MGAT4C: variants seen among roughly 807,000 people sequenced by gnomAD.
MGAT4C encodes the protein MGAT4 family member C.
A neutral mutation model predicts 40.1 loss-of-function variants in MGAT4C; 19 were observed. That is an observed-to-expected ratio of 0.47 (90% CI 0.33 to 0.70). The LOEUF (loss-of-function observed/expected upper bound fraction) is 0.70, where lower values mean the gene tolerates loss of function less well. Ranked by LOEUF, MGAT4C falls within the 30% of genes least tolerant of loss-of-function variation. The pLI is 0.02. For synonymous variants in MGAT4C, 181 were observed against 187.1 expected (o/e 0.97, Z 0.27); for missense variants, 491 against 563.2 (o/e 0.87, Z 1.30).
intron 3 of MGAT4C, among the ~76,000 whole-genome samples, chr12:86,402,089 G>A (rs1291225274): frequency 1.3e-5 from 2 of 151,764 alleles, no homozygotes; most frequent in Non-Finnish European, 2.9e-5. Flanking sequence ...CCCTTTAAGG[G>A]TATACTTTAA....
At chr12:86,451,459 C>T (rs1957424392) in intron 2 of MGAT4C, among the ~76,000 whole-genome samples, 1 of 152,074 alleles carries the variant, frequency 6.6e-6, no homozygotes. Flanking sequence ...AAGCATTATG[C>T]CCTTCCTTTA....
chr12:86,774,311 C>CTTTCTTTCTTTCTTTCTTTCTTTCT (rs1555227768), intron 1 of MGAT4C, among the ~76,000 whole-genome samples: 10 of 40,088 alleles, frequency 2.5e-4, no homozygotes, highest in African/African-American at 6.3e-4. Flanking sequence ...TTCTTTCTTT[C>CTTTCTTTCTTTCTTTCTTTCTTTCT]TTTCTTTCTT....
chr12:86,114,817 T>TA (rs1293502048), intron 1 of MGAT4C, among the ~76,000 whole-genome samples: 1 of 152,000 alleles, frequency 6.6e-6, no homozygotes, highest in East Asian at 1.9e-4. Context: ...TCCTTTTTTT[T>TA]ATTATGGTTT....
intron 2 of MGAT4C, among the ~76,000 whole-genome samples, chr12:85,995,917 G>C (rs1418764313): frequency 7.2e-5 from 11 of 152,160 alleles, no homozygotes; most frequent in Non-Finnish European, 1.5e-4. Context: ...TATTACCTTA[G>C]TATTTGGGCC....
intron 2 of MGAT4C, among the ~76,000 whole-genome samples, chr12:86,690,318 G>C (rs767016230): frequency 7.9e-5 from 12 of 152,154 alleles, no homozygotes; most frequent in African/African-American, 1.2e-4. Context: ...CTCCAGGGCA[G>C]TGAATGATTC....
intron 4 of MGAT4C, among the ~76,000 whole-genome samples, chr12:86,331,231 C>G (rs1954660358): frequency 6.6e-6 from 1 of 152,162 alleles, no homozygotes; most frequent in African/African-American, 2.4e-5. Context: ...TGGCATGCTT[C>G]CAAGCGGTTG....
At chr12:86,564,909 T>C (rs945957283) in intron 2 of MGAT4C, among the ~76,000 whole-genome samples, 1 of 152,110 alleles carries the variant, frequency 6.6e-6, no homozygotes, top group East Asian at 1.9e-4. Context: ...GCAGATCCAA[T>C]GGTTCTTGAG....
chr12:86,251,268 C>A (rs1952267158), intron 1 of MGAT4C, among the ~76,000 whole-genome samples: 1 of 151,276 alleles, frequency 6.6e-6, no homozygotes, highest in South Asian at 2.1e-4. Flanking sequence ...ACATAAAAAT[C>A]TATTTTAGAT....
At chr12:86,573,285 A>C (rs1303279190) in intron 2 of MGAT4C, among the ~76,000 whole-genome samples, 1 of 152,068 alleles carries the variant, frequency 6.6e-6, no homozygotes, top group African/African-American at 2.4e-5. Flanking sequence ...TTTTAAACAC[A>C]GAATACAATT....
intron 2 of MGAT4C, among the ~76,000 whole-genome samples, chr12:86,460,161 A>G (rs574576137): frequency 6.6e-6 from 1 of 152,228 alleles, no homozygotes; most frequent in South Asian, 2.1e-4. Flanking sequence ...CAGCCTGAGC[A>G]ACATACTGAG....
rs116114022 is a variant in MGAT4C, at chr12:86,244,184, C to T, written c.-57+12055G>A. Among the ~76,000 whole-genome samples, 485 of 152,328 alleles carry T rather than the reference C, an allele frequency of 3.2e-3. 2 individuals are homozygous for T. The highest frequency in any genetic ancestry group is 0.011 in the African/African-American group (452 of 41,570). ...CCTGTACTTTCTAGAATGCTTTGCA[C>T]TGTTTAATGATGCTGGGCGGTCATT... On this transcript the variant is annotated intron_variant, in intron 1 of 4. Coordinates refer to ENST00000611864, the MANE Select transcript of MGAT4C (RefSeq NM_001351288.2).
chr12:86,521,113 T>C (rs778342835), intron 2 of MGAT4C, among the ~76,000 whole-genome samples: 24 of 152,202 alleles, frequency 1.6e-4, no homozygotes, highest in Non-Finnish European at 1.8e-4. Flanking sequence ...GTTGCAATTG[T>C]TTTTGGCAAC....
intron 2 of MGAT4C, among the ~76,000 whole-genome samples, chr12:86,017,622 A>G (rs1036270966): frequency 1.3e-5 from 2 of 152,184 alleles, no homozygotes; most frequent in Non-Finnish European, 2.9e-5. Flanking sequence ...ATCAAAACTG[A>G]GTACTGGGGG....
intron 2 of MGAT4C, chr12:86,015,696 G>A (rs910059186): frequency 3.9e-5 from 6 of 152,210 alleles, no homozygotes; most frequent in African/African-American, 1.2e-4. Context: ...GGGGATCTGA[G>A]CTGTCAACTC....
chr12:86,543,281 TA>T, intron 2 of MGAT4C, among the ~76,000 whole-genome samples: 1 of 151,462 alleles, frequency 6.6e-6, no homozygotes, highest in African/African-American at 2.4e-5. Context: ...ATTAATAGTA[TA>T]ATAATCATAT....
chr12:86,617,315 A>C (rs2136483587), intron 2 of MGAT4C, among the ~76,000 whole-genome samples: 1 of 152,332 alleles, frequency 6.6e-6, no homozygotes, highest in Non-Finnish European at 1.5e-5. Flanking sequence ...AACTTGCTTT[A>C]TCATTGCGAT....
intron 2 of MGAT4C, among the ~76,000 whole-genome samples, chr12:86,632,685 C>T (rs1172778872): frequency 3.3e-5 from 5 of 149,594 alleles, no homozygotes; most frequent in Non-Finnish European, 7.4e-5. Context: ...CAGTTTCTCG[C>T]TCATAGGTGG....
chr12:86,723,570 C>T (rs1230815550), intron 2 of MGAT4C, among the ~76,000 whole-genome samples: 1 of 152,026 alleles, frequency 6.6e-6, no homozygotes, highest in East Asian at 1.9e-4. Flanking sequence ...TCTGAATTTC[C>T]CCTTTTAATA....
intron 2 of MGAT4C, among the ~76,000 whole-genome samples, chr12:86,635,873 G>T (rs1450663184): frequency 6.6e-6 from 1 of 151,238 alleles, no homozygotes; most frequent in Non-Finnish European, 1.5e-5. Flanking sequence ...TAGTAGAGAT[G>T]AGTTTCCACT....
Sources: allele counts gnomAD v4.1 joint callset (sites outside exome capture counted in the v4.1 genomes callset), GRCh38; gene constraint gnomAD v4.1.1; transcripts MANE v1.5; gene names NCBI Gene and HGNC (gene_info 2026-07-23, HGNC 2026-07-21).